The following NUP35 variants were observed in gnomAD, a reference collection of about 807,000 sequenced individuals.
NUP35 encodes the protein nucleoporin 35, also known as nucleoporin NUP35.
A neutral mutation model predicts 41.5 loss-of-function variants in NUP35; 25 were observed. The observed-to-expected ratio is 0.60, with a 90% CI of 0.44 to 0.84. The LOEUF is 0.84. Ranked by LOEUF, NUP35 falls within the 40% of genes least tolerant of loss-of-function variation. NUP35 has a pLI of 0.00. For missense variants in NUP35, 396 were observed against 396.6 expected (o/e 1.00, Z 0.01); for synonymous variants, 149 against 130.7 (o/e 1.14, Z -0.96).
At chr2:183,141,164 C>CT (rs1459975913) in intron 4 of NUP35, among the ~76,000 whole-genome samples, 1 of 151,594 alleles carries the variant, frequency 6.6e-6, no homozygotes, top group African/African-American at 2.4e-5. Flanking sequence ...TCCTTTATGC[C>CT]TTTTTCCTCC....
At chr2:183,145,306 G>A (rs1310709880) in intron 4 of NUP35, among the ~76,000 whole-genome samples, 1 of 152,160 alleles carries the variant, frequency 6.6e-6, no homozygotes, top group Non-Finnish European at 1.5e-5. Flanking sequence ...GAACTGCTTA[G>A]GACCAGAAGA....
At chr2:183,146,302 C>G (rs540913783) in intron 4 of NUP35, among the ~76,000 whole-genome samples, 264 of 152,290 alleles carry the variant, frequency 1.7e-3, no homozygotes, top group Non-Finnish European at 3.1e-3. Flanking sequence ...TCCTAGACTC[C>G]TTTGAATTCA....
At chr2:183,157,803 T>C (rs1055441408) in intron 6 of NUP35, among the ~76,000 whole-genome samples, 1 of 152,108 alleles carries the variant, frequency 6.6e-6, no homozygotes, top group African/African-American at 2.4e-5. Context: ...AAGTATTATA[T>C]TACTGTTTTC....
intron 1 of NUP35, among the ~76,000 whole-genome samples, chr2:183,126,369 C>G (rs1684486793): frequency 6.6e-6 from 1 of 152,144 alleles, no homozygotes. Flanking sequence ...TAAGCCAATT[C>G]TTACTTTATT....
intron 3 of NUP35, among the ~76,000 whole-genome samples, chr2:183,132,705 G>A (rs1327466484): frequency 6.6e-6 from 1 of 152,198 alleles, no homozygotes; most frequent in Admixed American, 6.5e-5. Context: ...TGAAAGACTC[G>A]TGGGTCATAA....
At chr2:183,153,287 A>C (rs1202251723) in intron 5 of NUP35, among the ~76,000 whole-genome samples, 5 of 152,160 alleles carry the variant, frequency 3.3e-5, no homozygotes. Flanking sequence ...CTCACGTTTC[A>C]AAACCAATCA....
chr2:183,143,742 T>G (rs1480228586), intron 4 of NUP35, among the ~76,000 whole-genome samples: 1 of 152,150 alleles, frequency 6.6e-6, no homozygotes, highest in Non-Finnish European at 1.5e-5. Flanking sequence ...TTAAGTTCAG[T>G]CAGGAGTTTC....
chr2:183,156,068 A>G (rs978644042), intron 5 of NUP35, among the ~76,000 whole-genome samples: 1 of 152,138 alleles, frequency 6.6e-6, no homozygotes, highest in Non-Finnish European at 1.5e-5. Flanking sequence ...GTTATGAAAT[A>G]TTCATTGTTT....
At chr2:183,127,511 T>A (rs1684536856) in intron 1 of NUP35, among the ~76,000 whole-genome samples, 1 of 152,226 alleles carries the variant, frequency 6.6e-6, no homozygotes, top group African/African-American at 2.4e-5. Flanking sequence ...AGGGTGCTAG[T>A]TATCACTGTT....
intron 5 of NUP35, among the ~76,000 whole-genome samples, chr2:183,156,418 C>CGCTTGGCGCTTG (rs1685668823): frequency 6.6e-6 from 1 of 152,220 alleles, no homozygotes; most frequent in Non-Finnish European, 1.5e-5. Flanking sequence ...TGGCGCATTG[C>CGCTTGGCGCTTG]AACCTTTCCT....
chr2:183,145,888 C>T (rs1685259604), intron 4 of NUP35, among the ~76,000 whole-genome samples: 2 of 152,122 alleles, frequency 1.3e-5, no homozygotes, highest in South Asian at 2.1e-4. Context: ...CAAGTAAAAA[C>T]TACAATGCAA....
At chr2:183,146,920 C>T (rs1000730761) in intron 4 of NUP35, among the ~76,000 whole-genome samples, 1 of 152,000 alleles carries the variant, frequency 6.6e-6, no homozygotes, top group African/African-American at 2.4e-5. Flanking sequence ...TTAATAGTAG[C>T]CATTTTGATT....
At chr2:183,133,250 T>C (rs1684756109) in intron 3 of NUP35, among the ~76,000 whole-genome samples, 1 of 152,076 alleles carries the variant, frequency 6.6e-6, no homozygotes, top group South Asian at 2.1e-4. Context: ...TACCATTATC[T>C]CTGTTATTTC....
intron 5 of NUP35, 103 bp from the exon 6 acceptor site, chr2:183,157,341 T>C (rs1575138215): frequency 1.1e-6 from 1 of 870,846 alleles, no homozygotes; most frequent in East Asian, 2.4e-5. Context: ...GTTAACGTTC[T>C]AGACAGTTGG....
intron 4 of NUP35, among the ~76,000 whole-genome samples, chr2:183,134,750 G>C (rs1004724922): frequency 6.6e-6 from 1 of 151,420 alleles, no homozygotes; most frequent in Non-Finnish European, 1.5e-5. Context: ...CGGGTAGCTG[G>C]GATTACAGGT....
At chr2:183,129,990 A>G (rs1684640726) in intron 2 of NUP35, among the ~76,000 whole-genome samples, 1 of 152,236 alleles carries the variant, frequency 6.6e-6, no homozygotes, top group Admixed American at 6.5e-5. Flanking sequence ...TACATAGGGA[A>G]TTGTATTTAT....
intron 1 of NUP35, among the ~76,000 whole-genome samples, chr2:183,119,381 G>C (rs1415173385): frequency 6.6e-6 from 1 of 152,158 alleles, no homozygotes; most frequent in African/African-American, 2.4e-5. Flanking sequence ...TAGTGGGGCT[G>C]AAAAGAAAAC....
chr2:183,153,895 C>T (rs1253639414), intron 5 of NUP35, among the ~76,000 whole-genome samples: 2 of 152,196 alleles, frequency 1.3e-5, no homozygotes, highest in African/African-American at 4.8e-5. Context: ...CCCACCCCTG[C>T]AGCACAATTT....
chr2:183,120,644 AT>A (rs940836799), upstream of NUP35, among the ~76,000 whole-genome samples: 11 of 152,114 alleles, frequency 7.2e-5, no homozygotes, highest in African/African-American at 2.7e-4. Context: ...AAGAATAACC[AT>A]TTTTCAAAGT....
Sources: gnomAD v4.1 joint callset for allele counts (sites outside exome capture counted in the v4.1 genomes callset) on GRCh38, gnomAD v4.1.1 for gene constraint, MANE v1.5 for transcripts, NCBI Gene and HGNC (gene_info 2026-07-23, HGNC 2026-07-21) for gene names.